LY75: variants seen among roughly 807,000 people sequenced by gnomAD.
LY75 encodes C-type lectin domain family 13 member B.
In LY75, 185 loss-of-function variants were observed where a neutral mutation model predicts 231.7. The observed-to-expected ratio is 0.80, with a 90% CI of 0.71 to 0.90. The LOEUF (loss-of-function observed/expected upper bound fraction) is 0.90, where lower values mean the gene tolerates loss of function less well. Among genes scored for constraint, LY75 ranks in the 40% least tolerant of loss-of-function variants. The probability of loss-of-function intolerance (pLI) is 0.00; values close to 1 mark genes in which losing one functional copy is unlikely to be tolerated. For missense variants in LY75, 1,947 were observed against 2,050.2 expected (o/e 0.95, Z 0.97); for synonymous variants, 668 against 689.0 (o/e 0.97, Z 0.48).
intron 3 of LY75, among the ~76,000 whole-genome samples, chr2:159,891,927 C>T (rs565064818): frequency 6.6e-6 from 1 of 152,330 alleles, no homozygotes; most frequent in Admixed American, 6.5e-5. Context: ...GAAGTTGATA[C>T]CTGGCTGACC....
chr2:159,845,475 A>G (rs1684172779), intron 23 of LY75, among the ~76,000 whole-genome samples: 1 of 151,840 alleles, frequency 6.6e-6, no homozygotes, highest in African/African-American at 2.4e-5. Context: ...ACATATCAAT[A>G]CAGTCAGCCC....
intron 2 of LY75, 87 bp from the exon 3 acceptor site, chr2:159,894,171 G>T: frequency 2.1e-6 from 3 of 1,453,758 alleles, no homozygotes; most frequent in Non-Finnish European, 2.8e-6. Flanking sequence ...GTTTTTAAAA[G>T]AAACGTTGTT....
chr2:159,853,515 T>G, intron 19 of LY75, 115 bp downstream of exon 19: 2 of 1,528,854 alleles, frequency 1.3e-6, no homozygotes, highest in Non-Finnish European at 1.8e-6. Flanking sequence ...TTCTCTAATT[T>G]AGGCAGTTTA....
intron 34 of LY75, 104 bp downstream of exon 34, chr2:159,806,869 T>A (rs1349277037): frequency 1.4e-6 from 2 of 1,386,696 alleles, no homozygotes; most frequent in African/African-American, 2.9e-5. Context: ...CTTTAAGGAC[T>A]AAATACTTCA....
chr2:159,879,173 G>T, intron 9 of LY75, 86 bp downstream of exon 9: 2 of 1,434,538 alleles, frequency 1.4e-6, no homozygotes, highest in Non-Finnish European at 1.9e-6. Flanking sequence ...TATTTTATAA[G>T]TCTGAGTTAT....
chr2:159,819,816 C>G lies in LY75; in HGVS notation c.4063G>C (p.Asp1355His), dbSNP rs1683230445. 1 of 1,614,122 alleles carries G rather than the reference C, an allele frequency of 6.2e-7. No individual in the cohort carries two copies. The highest frequency in any genetic ancestry group is 8.5e-7 in the Non-Finnish European group (1 of 1,179,990). Reference sequence around the variant, plus strand: ...AAGGTTTGAATATCCCAGAAGCCGTCAGTACTTAAACCAGCCAAAAACTTC... The same window carrying G: ...AAGGTTTGAATATCCCAGAAGCCGTGAGTACTTAAACCAGCCAAAAACTTC... ...NEKFLAGLST[D>H]GFWDIQTFKV... is the part of the protein sequence containing the mutation. Residue 1355 changes from aspartate (D) to histidine (H), a missense_variant, in exon 29 of 35, where the codon GAC (aspartate) becomes CAC (histidine). Asp to His is a moderately conservative substitution (Grantham distance 81). Transcript: ENST00000263636.
chr2:159,886,616 A>G, intron 4 of LY75, 86 bp from the exon 5 acceptor site: 2 of 1,323,372 alleles, frequency 1.5e-6, no homozygotes, highest in Non-Finnish European at 2.0e-6. Context: ...TAACAAACAA[A>G]TCTGCAGACC....
intron 32 of LY75, among the ~76,000 whole-genome samples, chr2:159,808,892 C>T (rs4516379): frequency 0.32 from 48,069 of 152,050 alleles, 7,900 homozygotes; most frequent in South Asian, 0.36. Flanking sequence ...TGTGTAACCT[C>T]CCAATGCCAC....
chr2:159,838,793 A>T lies in LY75; in HGVS notation c.3507+1936T>A, dbSNP rs1041065240. Among the ~76,000 whole-genome samples the T allele has an allele frequency of 1.2e-4, 18 of 151,978 alleles. 1 individual carries two copies. Among genetic ancestry groups the T allele is most frequent in the African/African-American group, 3.9e-4 (16 of 41,402 alleles). ...GCTCTGGGTTAATTTAATTTAATTA[A>T]TTAATTAATTTTTTTATTTAGAGAT... On this transcript the variant is annotated intron_variant, in intron 25 of 34. Transcript: ENST00000263636.
Position 159,819,790 on chromosome 2 carries a change from A to C in LY75, c.4089T>G (p.Phe1363Leu), listed in dbSNP as rs1195787741. 5 of 1,613,912 alleles carry C rather than the reference A, an allele frequency of 3.1e-6. No individual in the cohort carries two copies. Among genetic ancestry groups the C allele is most frequent in the Non-Finnish European group, 3.4e-6 (4 of 1,179,944 alleles). ...AATAAACTGCTTCTTCAATAACTTT[A>C]AAGGTTTGAATATCCCAGAAGCCGT... is the stretch of plus-strand genomic sequence containing the variant. ...STDGFWDIQT[F>L]KVIEEAVYFH... Residue 1363 changes from phenylalanine (F) to leucine (L), a missense_variant, in exon 29 of 35, where the codon TTT (phenylalanine) becomes TTG (leucine). Physicochemically the swap from Phe to Leu is conservative, Grantham distance 22. Coordinates refer to ENST00000263636, the MANE Select transcript of LY75 (RefSeq NM_002349.4).
Position 159,874,550 on chromosome 2 carries a change from T to C in LY75, c.1974+894A>G. On this transcript the variant is annotated intron_variant, in intron 12 of 34. Transcript: ENST00000263636. The stretch of plus-strand genomic sequence containing the variant: ...TTGTAAATCTATATAAATATGTACA[T>C]ATTTTGTAAATCTATATAAATATGT... Among the ~76,000 whole-genome samples the C allele has an allele frequency of 2.7e-5, 2 of 73,396 alleles. 1 individual carries two copies. Among genetic ancestry groups the C allele is most frequent in the South Asian group, 1.6e-3 (2 of 1,268 alleles). 48.2% of individuals were successfully genotyped at this position (73,396 alleles called of 152,430 possible).
chr2:159,810,322 G>A (rs1264655083), intron 32 of LY75, among the ~76,000 whole-genome samples: 1 of 152,052 alleles, frequency 6.6e-6, no homozygotes, highest in Non-Finnish European at 1.5e-5. Context: ...GTTTTTAATG[G>A]CTATTCCAAT....
At chr2:159,827,033 C>G (rs1027800344) in intron 28 of LY75, among the ~76,000 whole-genome samples, 3 of 152,116 alleles carry the variant, frequency 2.0e-5, no homozygotes, top group African/African-American at 7.2e-5. Context: ...CAATACCATC[C>G]AGGACATAGG....
chr2:159,829,070 T>TA (rs1241749121), intron 28 of LY75, among the ~76,000 whole-genome samples: 2 of 152,074 alleles, frequency 1.3e-5, no homozygotes, highest in Admixed American at 6.6e-5. Context: ...AATAAAGCTT[T>TA]AAAAAAAGGT....
chr2:159,846,217 GA>G (rs201756222), intron 23 of LY75, among the ~76,000 whole-genome samples: 7,186 of 151,664 alleles, frequency 0.047, 515 homozygotes, highest in African/African-American at 0.16. Flanking sequence ...TCAGAAAGGG[GA>G]AAAAAAAAAC....
rs184027206 is a variant in LY75, at chr2:159,839,392, C to T, written c.3507+1337G>A. ...CAAAACTTCAGCTGTGTAATGATTC[C>T]GGTTTGTGCTACATGTGCAGAGGTT... On this transcript the variant is annotated intron_variant, in intron 25 of 34. Transcript: ENST00000263636. Among the ~76,000 whole-genome samples, 24 of 152,222 alleles carry T rather than the reference C, an allele frequency of 1.6e-4. No individual in the cohort carries two copies. The East Asian group carries it at 3.5e-3, about 22-fold the overall frequency.
intron 23 of LY75, among the ~76,000 whole-genome samples, chr2:159,847,726 C>A (rs935658754): frequency 1.3e-5 from 2 of 152,088 alleles, no homozygotes; most frequent in Non-Finnish European, 2.9e-5. Context: ...GATAGAAGGA[C>A]AATCACAATA....
intron 24 of LY75, among the ~76,000 whole-genome samples, 164 bp downstream of exon 24, chr2:159,842,081 G>T (rs1227977277): frequency 6.6e-6 from 1 of 151,884 alleles, no homozygotes; most frequent in Non-Finnish European, 1.5e-5. Context: ...ACATGTGTAG[G>T]ATTGTTACAT....
intron 11 of LY75, 63 bp from the exon 12 acceptor site, chr2:159,875,706 G>T: frequency 6.3e-7 from 1 of 1,579,976 alleles, no homozygotes; most frequent in Non-Finnish European, 8.6e-7. Context: ...ATTTTCTAGT[G>T]TTTCTACTCT....
Sources: gnomAD v4.1 joint callset for allele counts (sites outside exome capture counted in the v4.1 genomes callset) on GRCh38, gnomAD v4.1.1 for gene constraint, MANE v1.5 for transcripts, NCBI Gene and HGNC (gene_info 2026-07-23, HGNC 2026-07-21) for gene names.